The following ZBTB20 variants were observed in gnomAD, a reference collection of about 807,000 sequenced individuals.
ZBTB20 encodes the protein zinc finger and BTB domain-containing protein 20.
A neutral mutation model predicts 56.9 loss-of-function variants in ZBTB20; 9 were observed. The observed-to-expected ratio is 0.16, with a 90% confidence interval of 0.10 to 0.28. ZBTB20 has a LOEUF of 0.28. ZBTB20 is among the 10% of genes least tolerant of loss of function. ZBTB20 has a pLI of 1.00. For missense variants in ZBTB20, 655 were observed against 1,003.0 expected, an observed-to-expected ratio of 0.65 and a Z score of 4.69; for synonymous variants, 417 against 420.7, an observed-to-expected ratio of 0.99 and a Z score of 0.11.
chr3:114,812,497 C>G (rs898665697), intron 4 of ZBTB20, among the ~76,000 whole-genome samples: 1 of 152,146 alleles, frequency 6.6e-6, no homozygotes, highest in Non-Finnish European at 1.5e-5. Flanking sequence ...ATTTACAATC[C>G]CTGAGCTAGA....
intron 3 of ZBTB20, among the ~76,000 whole-genome samples, chr3:114,926,931 T>G (rs761779541): frequency 5.3e-5 from 8 of 152,098 alleles, no homozygotes; most frequent in Admixed American, 2.0e-4. Flanking sequence ...TTTGTAGACA[T>G]ACGGTCTCAC....
intron 5 of ZBTB20, among the ~76,000 whole-genome samples, chr3:114,764,190 T>C (rs1483869622): frequency 6.6e-6 from 1 of 151,888 alleles, no homozygotes; most frequent in East Asian, 1.9e-4. Context: ...TTTTTCATAC[T>C]TGGTACAGCC....
chr3:114,705,941 T>C (rs1222770337), intron 5 of ZBTB20, among the ~76,000 whole-genome samples: 5 of 152,202 alleles, frequency 3.3e-5, no homozygotes, highest in Non-Finnish European at 7.3e-5. Flanking sequence ...AAATCCTAGT[T>C]ATAAAAACAA....
At position 114,854,543 on chromosome 3, in the gene ZBTB20, T is replaced by C. The variant is rs536247317; in HGVS notation, c.-417+45761A>G. On this transcript the variant is annotated intron_variant, in intron 4 of 11. Coordinates refer to ENST00000675478, the MANE Select transcript of ZBTB20 (RefSeq NM_001348800.3). ...ATGTTTTCTGTGGCTTTAAATTGGC[T>C]GCAAAAGATTGCATAGGGTAATGAA... Among the ~76,000 whole-genome samples, 4 of 152,342 alleles carry C rather than the reference T, an allele frequency of 2.6e-5. No individual in the cohort carries two copies. The East Asian group carries it at 7.7e-4, about 29-fold the overall frequency.
intron 6 of ZBTB20, among the ~76,000 whole-genome samples, chr3:114,642,773 T>G (rs1239882523): frequency 2.0e-5 from 3 of 152,104 alleles, no homozygotes; most frequent in Non-Finnish European, 4.4e-5. Flanking sequence ...CCTTCCAGGT[T>G]TAAAATTCAA....
At chr3:115,111,376 T>C (rs2083878318) in intron 1 of ZBTB20, among the ~76,000 whole-genome samples, 1 of 152,162 alleles carries the variant, frequency 6.6e-6, no homozygotes, top group South Asian at 2.1e-4. Context: ...AAAAATTAAA[T>C]GGTTTGGGAC....
At chr3:114,849,977 G>A (rs1297555997) in intron 4 of ZBTB20, among the ~76,000 whole-genome samples, 1 of 140,514 alleles carries the variant, frequency 7.1e-6, no homozygotes, top group Non-Finnish European at 1.5e-5. Context: ...TCGGCTCACT[G>A]CAACCTCCAC....
chr3:114,713,236 A>T (rs1424864298), intron 5 of ZBTB20, among the ~76,000 whole-genome samples: 1 of 152,126 alleles, frequency 6.6e-6, no homozygotes, highest in Admixed American at 6.6e-5. Flanking sequence ...CATTTTCTTC[A>T]GAAGAAAAGG....
At chr3:115,113,868 A>G (rs1372557463) in intron 1 of ZBTB20, among the ~76,000 whole-genome samples, 1 of 152,050 alleles carries the variant, frequency 6.6e-6, no homozygotes, top group Non-Finnish European at 1.5e-5. Flanking sequence ...GCCACCTTCT[A>G]TTTGCTCAAC....
At chr3:114,591,448 G>C (rs1167253311) in intron 6 of ZBTB20, among the ~76,000 whole-genome samples, 1 of 152,012 alleles carries the variant, frequency 6.6e-6, no homozygotes, top group Non-Finnish European at 1.5e-5. Context: ...AACCATCACG[G>C]ATAATGAAAA....
chr3:114,854,526 T>A (rs1464461601), intron 4 of ZBTB20, among the ~76,000 whole-genome samples: 2 of 152,230 alleles, frequency 1.3e-5, no homozygotes, highest in African/African-American at 4.8e-5. Context: ...GTATGTTTTC[T>A]GTGGCTTTAA....
At chr3:115,041,311 G>A (rs761523144) in intron 2 of ZBTB20, among the ~76,000 whole-genome samples, 5 of 152,062 alleles carry the variant, frequency 3.3e-5, no homozygotes, top group Non-Finnish European at 7.4e-5. Flanking sequence ...TACAAGGAAC[G>A]AAACTGAGGC....
chr3:114,610,568 TG>T (rs1458790489), intron 6 of ZBTB20, among the ~76,000 whole-genome samples: 1 of 152,184 alleles, frequency 6.6e-6, no homozygotes, highest in Non-Finnish European at 1.5e-5. Flanking sequence ...TGTACGTAAC[TG>T]GGGTTGACTG....
At chr3:114,427,947 G>C (rs980401926) in intron 7 of ZBTB20, among the ~76,000 whole-genome samples, 5 of 152,174 alleles carry the variant, frequency 3.3e-5, no homozygotes, top group African/African-American at 1.2e-4. Flanking sequence ...TATTCACAAA[G>C]AGCTGAAAGG....
intron 8 of ZBTB20, among the ~76,000 whole-genome samples, chr3:114,386,943 C>T (rs2085211296): frequency 6.6e-6 from 1 of 152,148 alleles, no homozygotes; most frequent in African/African-American, 2.4e-5. Flanking sequence ...TGCTGCTCAG[C>T]CGAGCAGGGA....
chr3:114,676,122 TTGC>T (rs1260162182), intron 6 of ZBTB20, among the ~76,000 whole-genome samples: 1 of 152,180 alleles, frequency 6.6e-6, no homozygotes, highest in African/African-American at 2.4e-5. Context: ...AATATTTTGG[TTGC>T]TAAAGGCCCC....
chr3:114,540,742 G>A (rs1039347875), intron 6 of ZBTB20, among the ~76,000 whole-genome samples: 1 of 152,040 alleles, frequency 6.6e-6, no homozygotes, highest in African/African-American at 2.4e-5. Context: ...AATATAGTTA[G>A]TGCCCTTTCT....
intron 1 of ZBTB20, among the ~76,000 whole-genome samples, chr3:115,143,923 C>G (rs947214000): frequency 6.6e-6 from 1 of 152,172 alleles, no homozygotes; most frequent in Admixed American, 6.5e-5. Flanking sequence ...AAGAAAGCAG[C>G]TAGGTTTTAA....
At chr3:114,628,616 G>A (rs1361692115) in intron 6 of ZBTB20, among the ~76,000 whole-genome samples, 2 of 152,062 alleles carry the variant, frequency 1.3e-5, no homozygotes, top group African/African-American at 4.8e-5. Flanking sequence ...ATTTAGGATG[G>A]CATACTAATA....
Sources: gnomAD v4.1 joint callset for allele counts (sites outside exome capture counted in the v4.1 genomes callset) on GRCh38, gnomAD v4.1.1 for gene constraint, MANE v1.5 for transcripts, NCBI Gene and HGNC (gene_info 2026-07-23, HGNC 2026-07-21) for gene names.